GPKOW: variants seen among roughly 807,000 people sequenced by gnomAD.
GPKOW encodes the protein G-patch domain and KOW motifs, also known as G-patch domain and KOW motifs-containing protein.
For synonymous variants in GPKOW, 167 were observed against 159.1 expected (o/e 1.05, Z -0.37); for missense variants, 359 against 404.7 (o/e 0.89, Z 0.97).
rs782527184 is a variant in GPKOW, at chrX:49,113,888, G to A, written c.1261C>T (p.Arg421Cys). ...ETLVPKAEGD[R>C]VMVVLGPQTG... ...TGTGGGCCCAGCACCACCATCACACGGTCACCCTCTGCCTTGGGAACCAGG... is the reference window on the plus strand; with the variant it reads ...TGTGGGCCCAGCACCACCATCACACAGTCACCCTCTGCCTTGGGAACCAGG... Residue 421 changes from arginine (R) to cysteine (C), a missense_variant, in exon 10 of 11, where the codon CGT becomes TGT. Arg to Cys is a radical substitution (Grantham distance 180). Coordinates refer to ENST00000156109, the MANE Select transcript of GPKOW (RefSeq NM_015698.6). 7.5e-6 allele frequency: 9 copies of A among 1,206,764 alleles called. No homozygotes were observed. Among genetic ancestry groups the A allele is most frequent in the South Asian group, 3.5e-5 (2 of 56,756 alleles).
intron 9 of GPKOW, among the ~76,000 whole-genome samples, chrX:49,115,387 A>C (rs868974273): frequency 9.3e-6 from 1 of 107,096 alleles, no homozygotes; most frequent in African/African-American, 3.4e-5. Flanking sequence ...CTTGCCTGTA[A>C]TCCCAGCTAC....
intron 9 of GPKOW, among the ~76,000 whole-genome samples, chrX:49,114,176 G>A (rs782071638): frequency 2.1e-4 from 23 of 110,973 alleles, no homozygotes; most frequent in Admixed American, 2.9e-4. Flanking sequence ...TTTGGCTCTT[G>A]TTGCCCAGGC....
chrX:49,117,129 T>C lies in GPKOW; in HGVS notation c.814A>G (p.Met272Val), dbSNP rs781992835. The stretch of plus-strand genomic sequence containing the variant: ...CGGCTCCCCACAGCCAGACGAACCA[T>C]GGCCCGAACATTGTCAGGATCAAGG... ...EGLDPDNVRAMVRLAVGSRVV... is the reference protein window; with the variant it reads ...EGLDPDNVRAVVRLAVGSRVV... Residue 272 changes from methionine (M) to valine (V), a missense_variant, in exon 6 of 11, where the codon ATG becomes GTG. Met to Val is a conservative substitution (Grantham distance 21). Coordinates refer to ENST00000156109, the MANE Select transcript of GPKOW (RefSeq NM_015698.6). The C allele has an allele frequency of 1.7e-6, 2 of 1,211,080 alleles. No homozygotes were observed. Among genetic ancestry groups the C allele is most frequent in the Non-Finnish European group, 1.1e-6 (1 of 894,981 alleles).
chrX:49,122,422 T>A lies in GPKOW; in HGVS notation c.432A>T (p.Ala144=). The A allele has an allele frequency of 3.4e-6, 4 of 1,176,811 alleles. No individual in the cohort carries two copies. Among genetic ancestry groups the A allele is most frequent in the Non-Finnish European group, 4.5e-6 (4 of 879,574 alleles). Residue 144 remains alanine, a synonymous_variant, in exon 3 of 11, where the codon GCA becomes GCT. Transcript: ENST00000156109. ...QKGCTPSGEG[A]DSEPRAETVP... ...CTGTCTCTGCCCGGGGTTCGCTGTC[T>A]GCCCCTTCCCCGCTGGGGGTGCATC... is the stretch of plus-strand genomic sequence containing the variant.
chrX:49,114,732 T>C (rs1557089939), intron 9 of GPKOW, among the ~76,000 whole-genome samples: 1 of 105,256 alleles, frequency 9.5e-6, no homozygotes, highest in African/African-American at 3.5e-5. Flanking sequence ...CAAGACCAGC[T>C]TGGCCAATAT....
chrX:49,121,318 C>G (rs1365627336), intron 3 of GPKOW, among the ~76,000 whole-genome samples: 1 of 110,373 alleles, frequency 9.1e-6, no homozygotes, highest in Non-Finnish European at 1.9e-5. Context: ...ATCCCAGCTA[C>G]TTGGGAGGCT....
intron 7 of GPKOW, 86 bp from the exon 8 acceptor site, chrX:49,116,100 A>C: frequency 3.5e-6 from 4 of 1,146,816 alleles, no homozygotes; most frequent in Non-Finnish European, 4.8e-6. Flanking sequence ...TATGAAACCC[A>C]CCCACAATGC....
chrX:49,119,567 G>A, intron 4 of GPKOW, 138 bp downstream of exon 4: 1 of 426,105 alleles, frequency 2.3e-6, no homozygotes, highest in Middle Eastern at 3.7e-4. Context: ...AACAGTAGTG[G>A]AAGGGGCTGC....
intron 3 of GPKOW, 38 bp from the exon 4 acceptor site, chrX:49,119,852 C>T: frequency 1.2e-6 from 1 of 837,779 alleles, no homozygotes; most frequent in Non-Finnish European, 1.8e-6. Context: ...TCAGGCTTTG[C>T]TTACACTGGG....
rs1166436070 is a variant in GPKOW at position 49,117,021 on chromosome X, C to T, written c.913+9G>A. 3 of 1,204,063 alleles carry T rather than the reference C, an allele frequency of 2.5e-6. No homozygotes were observed. Among genetic ancestry groups the T allele is most frequent in the Non-Finnish European group, 3.4e-6 (3 of 890,856 alleles). ...CCAACTCCCCTAGCTCTACAAGAGG[C>T]TCACTCACTGAGATCCAAGGTGTTC... On this transcript the variant is annotated intron_variant, in intron 6 of 10. Coordinates refer to ENST00000156109, the MANE Select transcript of GPKOW (RefSeq NM_015698.6).
rs782402120 is a variant in GPKOW, at chrX:49,123,343, T to A, written c.176+204A>T. 3.6e-5 allele frequency among the ~76,000 whole-genome samples: 4 copies of A among 111,695 alleles called. No homozygotes were observed. The East Asian group carries it at 1.1e-3, about 32-fold the overall frequency. ...AAAGACACTTCTTCTCAGTAATACA[T>A]CCTCTCTTCGCAATTCCCACAGCTA... On this transcript the variant is annotated intron_variant, in intron 1 of 10. Coordinates refer to ENST00000156109, the MANE Select transcript of GPKOW (RefSeq NM_015698.6).
At chrX:49,117,912 ATTTTC>A in intron 4 of GPKOW, 102 bp from the exon 5 acceptor site, 5 of 417,842 alleles carry the variant, frequency 1.2e-5, no homozygotes, top group Middle Eastern at 1.4e-3. Context: ...CCCCATTGAC[ATTTTC>A]TTTTCTTTTC....
intron 6 of GPKOW, among the ~76,000 whole-genome samples, 161 bp downstream of exon 6, chrX:49,116,869 T>G (rs1262508386): frequency 9.0e-6 from 1 of 111,395 alleles, no homozygotes; most frequent in Non-Finnish European, 1.9e-5. Flanking sequence ...AGTAAGTCAC[T>G]TATGTCCATT....
chrX:49,118,845 T>C (rs1442313136), intron 4 of GPKOW, among the ~76,000 whole-genome samples: 2 of 108,913 alleles, frequency 1.8e-5, no homozygotes, highest in African/African-American at 6.7e-5. Flanking sequence ...TTTGCAATTG[T>C]GAAGAAAGGG....
At chrX:49,123,452 C>A in intron 1 of GPKOW, 95 bp downstream of exon 1, 1 of 897,367 alleles carries the variant, frequency 1.1e-6, no homozygotes, top group South Asian at 2.6e-5. Flanking sequence ...TCAGGCTTAA[C>A]AGGTCACTGT....
Position 49,113,694 on chromosome X carries a change from T to C in GPKOW, c.1358A>G (p.Glu453Gly). 1 of 1,209,499 alleles carries C rather than the reference T, an allele frequency of 8.3e-7. No homozygotes were observed. ...GTAGTGAAGCTCCACCACCTGATTT[T>C]CTCTTGGCAGTTGCACCAAAGCCCG... ...RSRALVQLPRENQVVELHYDA... is the reference protein window; with the variant it reads ...RSRALVQLPRGNQVVELHYDA... Residue 453 changes from glutamate (E) to glycine (G), a missense_variant, in exon 11 of 11, where the codon GAA (glutamate) becomes GGA (glycine). Physicochemically the swap from Glu to Gly is moderately conservative, Grantham distance 98 (BLOSUM62 -2). Coordinates refer to ENST00000156109, the MANE Select transcript of GPKOW (RefSeq NM_015698.6).
rs992537525 is a variant in GPKOW at position 49,116,135 on chromosome X, C to T, written c.1016+86G>A. 2.6e-5 allele frequency: 29 copies of T among 1,114,347 alleles called. No homozygotes were observed. The Admixed American group carries it at 3.6e-4, about 14-fold the overall frequency. 91.8% of individuals were successfully genotyped at this position (1,114,347 alleles called of 1,213,427 possible). A position where few individuals can be genotyped will look rare whatever the true frequency, so the allele number is the denominator to read the frequency against. ...CAGTTCCCCGTTCCTTCTATGAGCC[C>T]GCCTTGCCTTGGAAGCCTTCCCTGG... On this transcript the variant is annotated intron_variant, in intron 7 of 10. Coordinates refer to ENST00000156109, the MANE Select transcript of GPKOW (RefSeq NM_015698.6).
chrX:49,115,234 G>C (rs1247582184), intron 9 of GPKOW, among the ~76,000 whole-genome samples: 1 of 110,289 alleles, frequency 9.1e-6, no homozygotes, highest in Admixed American at 9.8e-5. Flanking sequence ...GGCCGAGCGC[G>C]GTGGCTCACG....
intron 9 of GPKOW, 81 bp downstream of exon 9, chrX:49,115,645 C>T: frequency 4.9e-6 from 4 of 819,499 alleles, no homozygotes; most frequent in Non-Finnish European, 7.4e-6. Flanking sequence ...CTCTGCCAAA[C>T]CTCCCAGCTT....
Sources: gnomAD v4.1 joint callset for allele counts (sites outside exome capture counted in the v4.1 genomes callset) on GRCh38, gnomAD v4.1.1 for gene constraint, MANE v1.5 for transcripts, NCBI Gene and HGNC (gene_info 2026-07-23, HGNC 2026-07-21) for gene names.